RAD21L1: variants seen among roughly 807,000 people sequenced by gnomAD.
RAD21L1 encodes the protein double-strand-break repair protein rad21-like protein 1.
In RAD21L1, 47 loss-of-function variants were observed where a neutral mutation model predicts 69.0. The observed-to-expected ratio is 0.68, with a 90% CI of 0.54 to 0.87. The LOEUF is 0.87. Among genes scored for constraint, RAD21L1 ranks in the 40% least tolerant of loss-of-function variants. The pLI, the probability that RAD21L1 is intolerant of heterozygous loss-of-function variation, is 0.00. For synonymous variants in RAD21L1, 177 were observed against 205.8 expected, an observed-to-expected ratio of 0.86 and a Z score of 1.20; for missense variants, 583 against 647.6, an observed-to-expected ratio of 0.90 and a Z score of 1.08.
At chr20:1,240,286 T>C in intron 7 of RAD21L1, 35 bp from the exon 8 acceptor site, 1 of 1,513,656 alleles carries the variant, frequency 6.6e-7, no homozygotes, top group Non-Finnish European at 8.8e-7. Context: ...CTAACTGGTT[T>C]TTTTTACAAT....
intron 5 of RAD21L1, among the ~76,000 whole-genome samples, chr20:1,235,600 G>A (rs2087478009): frequency 6.6e-6 from 1 of 151,816 alleles, no homozygotes; most frequent in Non-Finnish European, 1.5e-5. Flanking sequence ...CTTTCTTGTG[G>A]ACCAGTACCA....
chr20:1,240,764 A>G (rs1000209229), intron 8 of RAD21L1, among the ~76,000 whole-genome samples: 25 of 152,168 alleles, frequency 1.6e-4, no homozygotes, highest in African/African-American at 5.6e-4. Flanking sequence ...ACCCTTTTCC[A>G]TGGTGATGAC....
chr20:1,253,253 A>G (rs1055708126), intron 13 of RAD21L1, among the ~76,000 whole-genome samples: 2 of 152,216 alleles, frequency 1.3e-5, no homozygotes, highest in Admixed American at 6.5e-5. Context: ...TCCAGCGTGT[A>G]TGATTCTCAT....
rs2087916773 is a variant in RAD21L1, at chr20:1,255,470, A to G, written c.*1013A>G. On this transcript the variant is annotated 3_prime_UTR_variant, in exon 14 of 14. Transcript: ENST00000683101. The stretch of plus-strand genomic sequence containing the variant: ...AATGAAGCCTATGGTACTCATTAAA[A>G]TGTTGTTATATCTGGAATTATGCTG... Among the ~76,000 whole-genome samples, 1 of 152,210 alleles carries G rather than the reference A, an allele frequency of 6.6e-6. No homozygotes were observed. The highest frequency in any genetic ancestry group is 6.5e-5 in the Admixed American group (1 of 15,288).
At chr20:1,238,840 T>C (rs530527951) in intron 6 of RAD21L1, among the ~76,000 whole-genome samples, 1 of 152,288 alleles carries the variant, frequency 6.6e-6, no homozygotes, top group African/African-American at 2.4e-5. Flanking sequence ...ATTATTATTT[T>C]TGAGACGGAG....
In RAD21L1 at chr20:1,238,042, AG is replaced by A; in HGVS notation, c.478del. On this transcript the variant is annotated splice_acceptor_variant, in intron 5 of 13. Transcript: ENST00000683101. LOFTEE classifies it high-confidence loss of function. ...TAGTATTAATGATATATATTTATTT[AG>A]GGGAGGAATCTGAAATTCTCAGAAG... 1 of 1,460,258 alleles carries A rather than the reference AG, an allele frequency of 6.8e-7. No homozygotes were observed. Among genetic ancestry groups the A allele is most frequent in the Non-Finnish European group, 9.3e-7 (1 of 1,076,688 alleles). The allele number at this position is 1,460,258 out of a possible 1,614,324, so 90.5% of individuals were successfully genotyped here. A position where few individuals can be genotyped will look rare whatever the true frequency, so the allele number is the denominator to read the frequency against.
intron 13 of RAD21L1, among the ~76,000 whole-genome samples, chr20:1,252,628 T>C (rs568657892): frequency 7.2e-6 from 1 of 139,614 alleles, no homozygotes; most frequent in South Asian, 2.4e-4. Flanking sequence ...GAAGGGCAAC[T>C]TCACGCCTTC....
chr20:1,234,466 G>T (rs1051077188), intron 5 of RAD21L1, among the ~76,000 whole-genome samples: 1 of 152,132 alleles, frequency 6.6e-6, no homozygotes, highest in African/African-American at 2.4e-5. Context: ...ATTTAAAGAA[G>T]CAGTTCCTGC....
chr20:1,254,419 A>T lies in RAD21L1; in HGVS notation c.1630A>T (p.Ile544Phe). 4.5e-6 allele frequency: 7 copies of T among 1,546,102 alleles called. No individual in the cohort carries two copies. Among genetic ancestry groups the T allele is most frequent in the Non-Finnish European group, 6.1e-6 (7 of 1,144,094 alleles). ...ELSQSAPYAD[I>F]IATMGPMFYN... Reference sequence around the variant, plus strand: ...GAGCCAGAGTGCTCCCTATGCAGATATTATAGCTACGATGGGACCAATGTT... The same window carrying T: ...GAGCCAGAGTGCTCCCTATGCAGATTTTATAGCTACGATGGGACCAATGTT... The change falls in exon 14 of 14, where the codon ATT becomes TTT. Residue 544 changes from isoleucine to phenylalanine, a missense_variant. Coordinates refer to ENST00000683101, the MANE Select transcript of RAD21L1 (RefSeq NM_001384355.1).
rs1285409611 is a variant in RAD21L1 at position 1,254,685 on chromosome 20, G to A, written c.*228G>A. On this transcript the variant is annotated 3_prime_UTR_variant, in exon 14 of 14. Transcript: ENST00000683101. The stretch of plus-strand genomic sequence containing the variant: ...TGTTTTTTTTTGTTGTTTTTTTAAG[G>A]ACAAAGGTCTCACTATATTGCCCAG... Among the ~76,000 whole-genome samples the A allele has an allele frequency of 6.6e-6, 1 of 151,826 alleles. No homozygotes were observed. The highest frequency in any genetic ancestry group is 1.5e-5 in the Non-Finnish European group (1 of 67,984).
intron 12 of RAD21L1, among the ~76,000 whole-genome samples, chr20:1,248,045 CAAAA>C (rs71327497): frequency 2.8e-5 from 2 of 71,936 alleles, no homozygotes; most frequent in African/African-American, 1.1e-4. Flanking sequence ...CCTTAAATAC[CAAAA>C]AAAAAAAAAA....
chr20:1,251,251 A>C (rs534316546), intron 13 of RAD21L1, among the ~76,000 whole-genome samples: 1 of 152,298 alleles, frequency 6.6e-6, no homozygotes, highest in South Asian at 2.1e-4. Context: ...TTGAAAGGTC[A>C]GATATTGCCT....
chr20:1,241,086 T>C (rs1178762965), intron 8 of RAD21L1, among the ~76,000 whole-genome samples: 1 of 152,244 alleles, frequency 6.6e-6, no homozygotes, highest in Non-Finnish European at 1.5e-5. Context: ...ATCACTTGCA[T>C]TATATTCAGT....
At position 1,242,622 on chromosome 20, in the gene RAD21L1, T is replaced by A. The variant is rs777236080; in HGVS notation, c.860T>A (p.Ile287Asn). The A allele has an allele frequency of 6.5e-7, 1 of 1,547,208 alleles. No homozygotes were observed. Residue 287 changes from isoleucine to asparagine, a missense_variant, in exon 9 of 14, where the codon ATT (isoleucine) becomes AAT (asparagine). Transcript: ENST00000683101. ...TTGTGCTATTTCTTATATTTAGACA[T>A]TGCTGAGAAAAGGAAAGGCAAAAAG... ...FTLDPIDISDIAEKRKGKKRR... is the reference protein window; with the variant it reads ...FTLDPIDISDNAEKRKGKKRR...
At chr20:1,238,569 G>T (rs2087545629) in intron 6 of RAD21L1, among the ~76,000 whole-genome samples, 1 of 151,928 alleles carries the variant, frequency 6.6e-6, no homozygotes, top group African/African-American at 2.4e-5. Flanking sequence ...ACATTGTGGG[G>T]CAGCTAAGTT....
At chr20:1,247,185 G>A (rs1295714034) in intron 12 of RAD21L1, among the ~76,000 whole-genome samples, 1 of 152,162 alleles carries the variant, frequency 6.6e-6, no homozygotes, top group African/African-American at 2.4e-5. Flanking sequence ...ACATGGTCAA[G>A]CAAACCACAA....
chr20:1,240,681 G>C (rs2087589106), intron 8 of RAD21L1, among the ~76,000 whole-genome samples: 2 of 152,058 alleles, frequency 1.3e-5, no homozygotes, highest in African/African-American at 4.8e-5. Context: ...GGTGGGTGGG[G>C]GGAGCTTTCA....
chr20:1,235,747 A>T (rs2087481400), intron 5 of RAD21L1, among the ~76,000 whole-genome samples: 1 of 150,998 alleles, frequency 6.6e-6, no homozygotes. Context: ...TACTATTCTT[A>T]TTTGGGCTTG....
intron 4 of RAD21L1, among the ~76,000 whole-genome samples, chr20:1,232,407 G>A (rs1946447749): frequency 6.6e-6 from 1 of 152,184 alleles, no homozygotes; most frequent in South Asian, 2.1e-4. Flanking sequence ...GGAAAGGGAG[G>A]AATCAGAAAG....
Sources: gnomAD v4.1 joint callset for allele counts (sites outside exome capture counted in the v4.1 genomes callset) on GRCh38, gnomAD v4.1.1 for gene constraint, MANE v1.5 for transcripts, NCBI Gene and HGNC (gene_info 2026-07-23, HGNC 2026-07-21) for gene names.